The following LDHA variants were observed in gnomAD, a reference collection of about 807,000 sequenced individuals.
The protein encoded by LDHA is L-lactate dehydrogenase A chain.
Under a neutral mutation model 36.3 loss-of-function variants are expected in LDHA, and 10 were observed. That is an observed-to-expected ratio of 0.28 (90% CI 0.17 to 0.47). The LOEUF (loss-of-function observed/expected upper bound fraction) is 0.47, where lower values mean the gene tolerates loss of function less well. LDHA is among the 20% of genes least tolerant of loss of function. LDHA has a pLI of 0.99. For synonymous variants in LDHA, 110 were observed against 136.7 expected, an observed-to-expected ratio of 0.80 and a Z score of 1.36; for missense variants, 267 against 405.8, an observed-to-expected ratio of 0.66 and a Z score of 2.94.
chr11:18,400,422 ACCACCACC>A, intron 3 of LDHA: 1 of 252,712 alleles, frequency 4.0e-6, no homozygotes, highest in South Asian at 3.3e-5. Flanking sequence ...TCCCCCTACC[ACCACCACC>A]ACACACACAC....
rs1866217817 is a variant in LDHA at position 18,394,566 on chromosome 11, C to G, written c.-95C>G. The G allele has an allele frequency of 2.2e-6, 1 of 454,120 alleles. No homozygotes were observed. Among genetic ancestry groups the G allele is most frequent in the African/African-American group, 2.0e-5 (1 of 50,116 alleles). The allele number at this position is 454,120 out of a possible 1,614,324, so 28.1% of individuals were successfully genotyped here. On this transcript the variant is annotated 5_prime_UTR_variant, in exon 1 of 8. Coordinates refer to ENST00000422447, the MANE Select transcript of LDHA (RefSeq NM_005566.4). ...CCCCTCCCGCGCCCAGCTCAGAGTG[C>G]TGCAGCCGCTGCCGCCGATTCCGGA...
At chr11:18,401,955 C>CTCTCTTCTCTCTCTTTTTTTTTTTTTT (rs59534512) in intron 4 of LDHA, among the ~76,000 whole-genome samples, 1 of 52,256 alleles carries the variant, frequency 1.9e-5, no homozygotes, top group Non-Finnish European at 3.8e-5. Context: ...TTGTTATTCT[C>CTCTCTTCTCTCTCTTTTTTTTTTTTTT]TTTTTTTTTT....
At chr11:18,395,781 G>A (rs1866271436) in intron 1 of LDHA, among the ~76,000 whole-genome samples, 1 of 152,250 alleles carries the variant, frequency 6.6e-6, no homozygotes, top group African/African-American at 2.4e-5. Flanking sequence ...GTTCCACCAA[G>A]TAGCTATTAA....
In LDHA at chr11:18,400,940, C is replaced by A. The variant is rs6498; in HGVS notation, c.348C>A (p.Ile116=). ...RLNLVQRNVN[I]FKFIIPNVVK... Reference sequence around the variant, plus strand: ...ATTTGGTCCAGCGTAACGTGAACATCTTTAAATTCATCATTCCTAATGTTG... The same window carrying A: ...ATTTGGTCCAGCGTAACGTGAACATATTTAAATTCATCATTCCTAATGTTG... The change falls in exon 4 of 8, where the codon ATC becomes ATA. Residue 116 remains isoleucine, a synonymous_variant. Coordinates refer to ENST00000422447, the MANE Select transcript of LDHA (RefSeq NM_005566.4). The A allele has an allele frequency of 0.16, 255,487 of 1,612,268 alleles. 21,460 individuals are homozygous for A. The highest frequency in any genetic ancestry group is 0.24 in the Middle Eastern group (1,436 of 6,040).
At chr11:18,400,630 C>T (rs1217601243) in intron 3 of LDHA, 1 of 650,996 alleles carries the variant, frequency 1.5e-6, no homozygotes, top group African/African-American at 1.8e-5. Context: ...TTTCCTCCAG[C>T]TCTCCCTAAT....
In LDHA at chr11:18,400,955, T is replaced by C. The variant is rs1056072895; in HGVS notation, c.363T>C (p.Ile121=). 1 of 1,613,390 alleles carries C rather than the reference T, an allele frequency of 6.2e-7. No individual in the cohort carries two copies. The highest frequency in any genetic ancestry group is 1.7e-5 in the Admixed American group (1 of 59,934). Residue 121 remains isoleucine (I), a synonymous_variant, in exon 4 of 8, where the codon ATT becomes ATC. Coordinates refer to ENST00000422447, the MANE Select transcript of LDHA (RefSeq NM_005566.4). The part of the protein sequence containing the change: ...QRNVNIFKFI[I]PNVVKYSPNC... The stretch of plus-strand genomic sequence containing the variant: ...ACGTGAACATCTTTAAATTCATCAT[T>C]CCTAATGTTGTAAAATACAGCCCGA...
intron 3 of LDHA, 29 bp downstream of exon 3, chr11:18,399,577 C>T (rs751792408): frequency 2.1e-6 from 3 of 1,443,604 alleles, no homozygotes; most frequent in South Asian, 2.3e-5. Flanking sequence ...ATATTATAAT[C>T]CATGCTTGAC....
intron 4 of LDHA, chr11:18,402,457 C>A (rs1866541567): frequency 8.6e-6 from 2 of 232,262 alleles, no homozygotes; most frequent in South Asian, 4.2e-5. Context: ...ATATGCCTGG[C>A]TAGTTTGTTA....
chr11:18,399,284 TG>T, intron 2 of LDHA, 146 bp from the exon 3 acceptor site: 1 of 659,302 alleles, frequency 1.5e-6, no homozygotes, highest in Non-Finnish European at 2.7e-6. Flanking sequence ...GCTTTTGAAA[TG>T]GGGTGCCCTC....
At chr11:18,396,171 A>G (rs1866289987) in intron 1 of LDHA, 2 of 196,814 alleles carry the variant, frequency 1.0e-5, no homozygotes, top group Non-Finnish European at 2.0e-5. Context: ...CCGCTTCCCA[A>G]CGGCCGGAGG....
At chr11:18,402,281 A>G (rs753209077) in intron 4 of LDHA, among the ~76,000 whole-genome samples, 60 of 151,892 alleles carry the variant, frequency 4.0e-4, no homozygotes, top group Admixed American at 1.4e-3. Context: ...GTTGATAAAC[A>G]GTTTATTTTC....
At position 18,407,697 on chromosome 11, in the gene LDHA, C is replaced by T. The variant is rs1381588024; in HGVS notation, c.*416C>T. On this transcript the variant is annotated 3_prime_UTR_variant, in exon 8 of 8. Transcript: ENST00000422447. ...CCAGTGTATAAATCCAATATCATGT[C>T]TTGTGCATAATTCTTCCAAAGGATC... The T allele has an allele frequency of 2.0e-6, 1 of 505,124 alleles. No homozygotes were observed. The highest frequency in any genetic ancestry group is 2.3e-5 in the Admixed American group (1 of 43,650). 31.3% of individuals were successfully genotyped at this position (505,124 alleles called of 1,614,324 possible). A position where few individuals can be genotyped will look rare whatever the true frequency, so the allele number is the denominator to read the frequency against.
At chr11:18,406,977 G>C in intron 7 of LDHA, 140 bp from the exon 8 acceptor site, 1 of 664,068 alleles carries the variant, frequency 1.5e-6, no homozygotes, top group East Asian at 2.9e-5. Context: ...CTGCACTCCA[G>C]CCTGGGCGAC....
At chr11:18,402,384 A>T (rs1430219470) in intron 4 of LDHA, among the ~76,000 whole-genome samples, 1 of 152,040 alleles carries the variant, frequency 6.6e-6, no homozygotes, top group Non-Finnish European at 1.5e-5. Flanking sequence ...GCTTTGACCT[A>T]CTAGGCTCAG....
chr11:18,407,606 CT>C lies in LDHA; in HGVS notation c.*327del. The C allele has an allele frequency of 1.5e-6, 1 of 654,976 alleles. No individual in the cohort carries two copies. Among genetic ancestry groups the C allele is most frequent in the Non-Finnish European group, 2.8e-6 (1 of 356,814 alleles). The allele number at this position is 654,976 out of a possible 1,614,324, so 40.6% of individuals were successfully genotyped here. On this transcript the variant is annotated 3_prime_UTR_variant, in exon 8 of 8. Coordinates refer to ENST00000422447, the MANE Select transcript of LDHA (RefSeq NM_005566.4). Reference sequence around the variant, plus strand: ...TGGATGTTTACCGTGTGTTATATAACTTCCTGGCTCCTTCACTGAACATGCC... The same window carrying C: ...TGGATGTTTACCGTGTGTTATATAACTCCTGGCTCCTTCACTGAACATGCC...
chr11:18,405,613 G>C lies in LDHA; in HGVS notation c.834+41G>C, dbSNP rs200133108. 3.7e-6 allele frequency: 6 copies of C among 1,607,632 alleles called. No homozygotes were observed. In the East Asian group the frequency reaches 1.3e-4, roughly 36 times the overall value. On this transcript the variant is annotated intron_variant, in intron 7 of 7. Coordinates refer to ENST00000422447, the MANE Select transcript of LDHA (RefSeq NM_005566.4). ...GATACGCTGCATTTGAATGCTTTTTGCTGGCTTTTTAAAAAAGATTCTTCT... is the reference window on the plus strand; with the variant it reads ...GATACGCTGCATTTGAATGCTTTTTCCTGGCTTTTTAAAAAAGATTCTTCT...
Position 18,402,854 on chromosome 11 carries a change from T to A in LDHA, c.433T>A (p.Tyr145Asn), listed in dbSNP as rs1200950693. The change falls in exon 5 of 8, where the codon TAC (tyrosine) becomes AAC (asparagine). Residue 145 changes from tyrosine (Y) to asparagine (N), a missense_variant. Coordinates refer to ENST00000422447, the MANE Select transcript of LDHA (RefSeq NM_005566.4). ...IVSNPVDILT[Y>N]VAWKISGFPK... is the part of the protein sequence containing the mutation. ...CTTTTTCATAGTGGATATCTTGACC[T>A]ACGTGGCTTGGAAGATAAGTGGTTT... 1 of 1,612,036 alleles carries A rather than the reference T, an allele frequency of 6.2e-7. No individual in the cohort carries two copies.
Position 18,403,748 on chromosome 11 carries a change from C to T in LDHA, c.647C>T (p.Pro216Leu), listed in dbSNP as rs1554961421. ...GGTGTCTCTCTGAAGACTCTGCACCCAGATTTAGGGACTGATAAAGATAAG... is the reference window on the plus strand; with the variant it reads ...GGTGTCTCTCTGAAGACTCTGCACCTAGATTTAGGGACTGATAAAGATAAG... ...VAGVSLKTLH[P>L]DLGTDKDKEQ... Residue 216 changes from proline to leucine, a missense_variant, in exon 6 of 8, where the codon CCA (proline) becomes CTA (leucine). Transcript: ENST00000422447. The T allele has an allele frequency of 2.5e-6, 4 of 1,612,216 alleles. No homozygotes were observed. In the South Asian group the frequency reaches 4.4e-5, roughly 18 times the overall value.
chr11:18,404,400 C>T (rs1187601672), intron 6 of LDHA, among the ~76,000 whole-genome samples: 1 of 151,394 alleles, frequency 6.6e-6, no homozygotes, highest in Non-Finnish European at 1.5e-5. Flanking sequence ...GCCTGGGTGA[C>T]AGAGTAAGAG....
Sources: gnomAD v4.1 joint callset for allele counts (sites outside exome capture counted in the v4.1 genomes callset) on GRCh38, gnomAD v4.1.1 for gene constraint, MANE v1.5 for transcripts, NCBI Gene and HGNC (gene_info 2026-07-23, HGNC 2026-07-21) for gene names.